ANO4: variants seen among roughly 807,000 people sequenced by gnomAD.
The protein encoded by ANO4 is anoctamin 4, also known as anoctamin-4.
ANO4 carries 69 observed loss-of-function variants against 141.9 expected under a neutral mutation model. The ratio of observed to expected loss-of-function variants is 0.49; its 90% CI spans 0.40 to 0.59. ANO4 has a LOEUF of 0.59. ANO4 is among the 20% of genes least tolerant of loss of function. The pLI is 0.00. For missense variants in ANO4, 894 were observed against 1,162.2 expected (o/e 0.77, Z 3.36); for synonymous variants, 350 against 394.3 (o/e 0.89, Z 1.33).
intron 7 of ANO4, among the ~76,000 whole-genome samples, chr12:100,978,657 GC>G (rs1466994222): frequency 6.6e-6 from 1 of 152,092 alleles, no homozygotes; most frequent in East Asian, 1.9e-4. Flanking sequence ...ATAATCTAGA[GC>G]AAAAAGGCAA....
intron 7 of ANO4, among the ~76,000 whole-genome samples, chr12:100,975,427 C>CTTTT (rs201688045): frequency 2.6e-4 from 37 of 139,832 alleles, no homozygotes; most frequent in African/African-American, 9.5e-4. Flanking sequence ...TTCTTTCTTT[C>CTTTT]TTTTTTTTTT....
chr12:101,043,426 T>G, intron 12 of ANO4, 113 bp from the exon 13 acceptor site: 2 of 724,362 alleles, frequency 2.8e-6, no homozygotes, highest in Non-Finnish European at 4.7e-6. Context: ...AAGATGCTTC[T>G]AAGGGCAAAC....
In ANO4 at chr12:101,048,325, T is replaced by C. The variant is rs2047715893; in HGVS notation, c.1252-16T>C. The C allele has an allele frequency of 6.2e-7, 1 of 1,612,508 alleles. No individual in the cohort carries two copies. The highest frequency in any genetic ancestry group is 2.2e-5 in the East Asian group (1 of 44,824). ...ATATGAGAAATTAACTCAGCACCGA[T>C]TCTTATTATTCACAGGTAACCCACC... On this transcript the variant is annotated splice_polypyrimidine_tract_variant and intron_variant, in intron 13 of 27. Coordinates refer to ENST00000392977, the MANE Select transcript of ANO4 (RefSeq NM_001286615.2).
chr12:100,732,644 T>C (rs1295507697), intron 1 of ANO4, among the ~76,000 whole-genome samples: 3 of 152,336 alleles, frequency 2.0e-5, no homozygotes, highest in Middle Eastern at 6.8e-3. Context: ...ATCTAGATGT[T>C]TTTCCTATGT....
chr12:100,740,298 A>G (rs1299610677), intron 3 of ANO4, among the ~76,000 whole-genome samples: 4 of 151,944 alleles, frequency 2.6e-5, no homozygotes, highest in Non-Finnish European at 5.9e-5. Flanking sequence ...GCTGGTATCG[A>G]ACTCCTGGCC....
At chr12:100,903,911 G>T in intron 2 of ANO4, among the ~76,000 whole-genome samples, 1 of 152,278 alleles carries the variant, frequency 6.6e-6, no homozygotes, top group Middle Eastern at 3.4e-3. Context: ...ATAGACCATC[G>T]CATCTGAGTA....
intron 1 of ANO4, among the ~76,000 whole-genome samples, chr12:100,899,087 GAGTAGAAGGCTC>G (rs1414327902): frequency 1.3e-5 from 2 of 152,152 alleles, no homozygotes; most frequent in African/African-American, 4.8e-5. Flanking sequence ...AGACCTCTGG[GAGTAGAAGGCTC>G]ATACTTGCCT....
At chr12:101,025,942 A>G (rs1226158948) in intron 9 of ANO4, among the ~76,000 whole-genome samples, 1 of 152,228 alleles carries the variant, frequency 6.6e-6, no homozygotes, top group African/African-American at 2.4e-5. Flanking sequence ...CATAAAATAC[A>G]TCTATGAAAT....
chr12:101,028,574 A>T (rs901082197), intron 9 of ANO4, among the ~76,000 whole-genome samples: 1 of 152,208 alleles, frequency 6.6e-6, no homozygotes, highest in Non-Finnish European at 1.5e-5. Context: ...AAGAAAGGAT[A>T]TCAGAGTTTG....
At chr12:100,885,727 G>C (rs1471345459) in intron 1 of ANO4, among the ~76,000 whole-genome samples, 1 of 152,148 alleles carries the variant, frequency 6.6e-6, no homozygotes, top group Non-Finnish European at 1.5e-5. Context: ...TGTGAATTTG[G>C]TTACTCTCCT....
chr12:100,737,126 T>G (rs1329874557), intron 2 of ANO4, among the ~76,000 whole-genome samples: 1 of 152,120 alleles, frequency 6.6e-6, no homozygotes, highest in East Asian at 1.9e-4. Flanking sequence ...CTGGCTCAAA[T>G]TGGCTGAAAC....
intron 1 of ANO4, among the ~76,000 whole-genome samples, chr12:100,841,610 G>C (rs1452868472): frequency 6.6e-6 from 1 of 152,152 alleles, no homozygotes; most frequent in African/African-American, 2.4e-5. Context: ...TAAATAAAGT[G>C]AGGGAGCATA....
At position 101,104,639 on chromosome 12, in the gene ANO4, A is replaced by G. The variant is rs1283510868; in HGVS notation, c.2149+4919A>G. Among the ~76,000 whole-genome samples the G allele has an allele frequency of 3.2e-3, 189 of 59,444 alleles. 3 individuals carry two copies. Among genetic ancestry groups the G allele is most frequent in the African/African-American group, 0.023 (167 of 7,124 alleles). The allele number at this position is 59,444 out of a possible 152,430, so 39.0% of individuals were successfully genotyped here. ...TGTATGTATGTGTGTATATATATAT[A>G]TATATATATATATATATATATATAT... On this transcript the variant is annotated intron_variant, in intron 22 of 27. Transcript: ENST00000392977.
At chr12:100,993,681 A>C (rs1452064138) in intron 8 of ANO4, among the ~76,000 whole-genome samples, 1 of 152,128 alleles carries the variant, frequency 6.6e-6, no homozygotes, top group Non-Finnish European at 1.5e-5. Flanking sequence ...CCTTACAGAC[A>C]AGGAAAAAGA....
intron 14 of ANO4, chr12:101,066,776 CA>C: frequency 9.2e-7 from 1 of 1,085,188 alleles, no homozygotes; most frequent in Non-Finnish European, 1.4e-6. Flanking sequence ...GGAGGAGGAC[CA>C]CAGGAAGCTG....
Position 100,825,795 on chromosome 12 carries a change from C to T in ANO4, c.-141+30768C>T, listed in dbSNP as rs546721643. 2.1e-4 allele frequency among the ~76,000 whole-genome samples: 32 copies of T among 152,126 alleles called. No individual in the cohort carries two copies. In the South Asian group the frequency reaches 4.4e-3, roughly 21 times the overall value. On this transcript the variant is annotated intron_variant, in intron 1 of 27. Coordinates refer to ENST00000392977, the MANE Select transcript of ANO4 (RefSeq NM_001286615.2). ...TTCCTGCATATATCTTCAGCTTTTA[C>T]AAAGGGAATTATGTGATTTTGGGTT... is the stretch of plus-strand genomic sequence containing the variant.
chr12:100,827,521 GT>G (rs2036416078), intron 1 of ANO4, among the ~76,000 whole-genome samples: 1 of 151,618 alleles, frequency 6.6e-6, no homozygotes, highest in Non-Finnish European at 1.5e-5. Flanking sequence ...AATTTTTTCT[GT>G]TTTGTCTACT....
rs184400390 is a variant in ANO4 at position 100,728,676 on chromosome 12, A to T, written c.23-5098A>T. On this transcript the variant is annotated intron_variant, in intron 1 of 29. Coordinates refer to the ANO4 transcript ENST00000644049. Reference sequence around the variant, plus strand: ...ATAAGTGAAATAATAAATGTTCAGCATAGTGCCTGACAAAGAGTGAGTGCT... The same window carrying T: ...ATAAGTGAAATAATAAATGTTCAGCTTAGTGCCTGACAAAGAGTGAGTGCT... Among the ~76,000 whole-genome samples the T allele has an allele frequency of 1.4e-3, 206 of 152,340 alleles. 1 individual carries two copies. The highest frequency in any genetic ancestry group is 4.7e-3 in the African/African-American group (197 of 41,570).
intron 8 of ANO4, among the ~76,000 whole-genome samples, chr12:100,992,486 C>T (rs926083906): frequency 6.6e-6 from 1 of 152,134 alleles, no homozygotes; most frequent in Non-Finnish European, 1.5e-5. Context: ...TGTTATTCAT[C>T]CTCCAGAACT....
Sources: gnomAD v4.1 joint callset for allele counts (sites outside exome capture counted in the v4.1 genomes callset) on GRCh38, gnomAD v4.1.1 for gene constraint, MANE v1.5 for transcripts, NCBI Gene and HGNC (gene_info 2026-07-23, HGNC 2026-07-21) for gene names.